HMCN1: variants seen among roughly 807,000 people sequenced by gnomAD.
The protein encoded by HMCN1 is hemicentin-1.
Under a neutral mutation model 625.9 loss-of-function variants are expected in HMCN1, and 321 were observed. That is an observed-to-expected ratio of 0.51 (90% confidence interval 0.47 to 0.56). HMCN1 has a LOEUF of 0.56. HMCN1 is among the 20% of genes least tolerant of loss of function. The probability of loss-of-function intolerance (pLI) is 0.00; values close to 1 mark genes in which losing one functional copy is unlikely to be tolerated. For missense variants in HMCN1, 6,588 were observed against 6,887.3 expected (o/e 0.96, Z 1.54); for synonymous variants, 2,425 against 2,417.6 (o/e 1.00, Z -0.09).
At chr1:185,818,552 T>C (rs1055460749) in intron 1 of HMCN1, among the ~76,000 whole-genome samples, 1 of 152,216 alleles carries the variant, frequency 6.6e-6, no homozygotes, top group Admixed American at 6.5e-5. Context: ...TGAGTAGAAC[T>C]GAATATAGTT....
At chr1:186,098,360 C>T (rs142224357) in intron 68 of HMCN1, among the ~76,000 whole-genome samples, 3 of 152,050 alleles carry the variant, frequency 2.0e-5, no homozygotes, top group African/African-American at 7.2e-5. Flanking sequence ...ACAAAGAGCA[C>T]AATTTTAAAA....
At chr1:185,952,239 G>A (rs941344844) in intron 11 of HMCN1, among the ~76,000 whole-genome samples, 4 of 151,738 alleles carry the variant, frequency 2.6e-5, no homozygotes, top group African/African-American at 4.9e-5. Context: ...GGCTAGTCAC[G>A]GAATGAAACT....
At chr1:185,998,914 C>T (rs555251100) in intron 25 of HMCN1, among the ~76,000 whole-genome samples, 16 of 152,070 alleles carry the variant, frequency 1.1e-4, no homozygotes, top group Non-Finnish European at 8.8e-5. Flanking sequence ...GAGATGATTA[C>T]AGCCTCCTTT....
intron 4 of HMCN1, among the ~76,000 whole-genome samples, chr1:185,884,520 T>A (rs1436231634): frequency 2.0e-5 from 3 of 152,060 alleles, no homozygotes; most frequent in Non-Finnish European, 4.4e-5. Flanking sequence ...AATCCTGAAC[T>A]CATCTCACTT....
intron 104 of HMCN1, among the ~76,000 whole-genome samples, chr1:186,181,149 T>A (rs1441980818): frequency 6.6e-6 from 1 of 152,142 alleles, no homozygotes; most frequent in Non-Finnish European, 1.5e-5. Flanking sequence ...ACATTTCTGT[T>A]ATTTTAGGTT....
At chr1:185,977,070 G>A (rs1651268619) in intron 15 of HMCN1, among the ~76,000 whole-genome samples, 1 of 151,840 alleles carries the variant, frequency 6.6e-6, no homozygotes, top group African/African-American at 2.4e-5. Flanking sequence ...CCTGATCTCT[G>A]TGGTTACCTG....
At chr1:185,851,451 A>G (rs1460083890) in intron 2 of HMCN1, among the ~76,000 whole-genome samples, 2 of 152,134 alleles carry the variant, frequency 1.3e-5, no homozygotes, top group East Asian at 1.9e-4. Context: ...AAAAATTAGC[A>G]AAAAATTATT....
At position 185,977,939 on chromosome 1, in the gene HMCN1, A is replaced by G. The variant is rs775333651; in HGVS notation, c.2524A>G (p.Ser842Gly). The G allele has an allele frequency of 1.1e-5, 18 of 1,613,260 alleles. No individual in the cohort carries two copies. The South Asian group carries it at 1.8e-4, about 16-fold the overall frequency. Residue 842 changes from serine (S) to glycine (G), a missense_variant, in exon 16 of 107, where the codon AGT becomes GGT. Ser to Gly is a moderately conservative substitution (Grantham distance 56, BLOSUM62 0). This residue lies in a region of HMCN1 where 4,628 missense variants were observed against 4,853.1 expected (regional missense o/e 0.95). Transcript: ENST00000271588. ...AATTTTCTCAAGACCTTTTTCAGTT[A>G]GTTCCATCAGCCAACTAAGAACAGG... ...MPIFSRPFSV[S>G]SISQLRTGAL...
chr1:185,910,769 C>G (rs1007223954), intron 5 of HMCN1, among the ~76,000 whole-genome samples: 4 of 152,018 alleles, frequency 2.6e-5, no homozygotes, highest in Admixed American at 6.6e-5. Flanking sequence ...CAGGGTTTCA[C>G]CATGTTGGTC....
At chr1:186,043,613 C>A (rs938137057) in intron 40 of HMCN1, among the ~76,000 whole-genome samples, 1 of 152,162 alleles carries the variant, frequency 6.6e-6, no homozygotes, top group Non-Finnish European at 1.5e-5. Flanking sequence ...GTAGATTCTA[C>A]AAATAATCTA....
At chr1:185,777,103 C>G (rs1377825402) in intron 1 of HMCN1, among the ~76,000 whole-genome samples, 5 of 152,184 alleles carry the variant, frequency 3.3e-5, no homozygotes, top group African/African-American at 9.6e-5. Flanking sequence ...GCATAATTTT[C>G]AATACCCAGG....
At chr1:185,795,154 T>C (rs1310347678) in intron 1 of HMCN1, among the ~76,000 whole-genome samples, 1 of 152,224 alleles carries the variant, frequency 6.6e-6, no homozygotes. Flanking sequence ...AATAGAGTTT[T>C]AAAGGTGGAG....
intron 11 of HMCN1, 72 bp downstream of exon 11, chr1:185,933,896 A>C: frequency 1.5e-6 from 2 of 1,364,814 alleles, no homozygotes; most frequent in South Asian, 1.2e-5. Context: ...TGTCCTCCCA[A>C]GTTGGCTATC....
chr1:186,037,915 CTGTT>C lies in HMCN1; in HGVS notation c.5750-16_5750-13del. The C allele has an allele frequency of 7.4e-7, 1 of 1,342,810 alleles. No individual in the cohort carries two copies. Among genetic ancestry groups the C allele is most frequent in the South Asian group, 1.2e-5 (1 of 85,686 alleles). 83.2% of individuals were successfully genotyped at this position (1,342,810 alleles called of 1,614,324 possible). A position where few individuals can be genotyped will look rare whatever the true frequency, so the allele number is the denominator to read the frequency against. ...TATTCTACTTATAAGAAATAATTAT[CTGTT>C]TGGGCCTCTTGTAGAACCACCTAGT... On this transcript the variant is annotated splice_polypyrimidine_tract_variant and intron_variant, in intron 36 of 106. Transcript: ENST00000271588.
chr1:186,145,331 G>A, intron 91 of HMCN1, 72 bp from the exon 92 acceptor site: 3 of 1,415,300 alleles, frequency 2.1e-6, no homozygotes, highest in Middle Eastern at 3.7e-4. Context: ...AATACTTTTT[G>A]GATGAATGTC....
intron 57 of HMCN1, among the ~76,000 whole-genome samples, chr1:186,085,602 C>G (rs1571328818): frequency 6.6e-6 from 1 of 152,228 alleles, no homozygotes; most frequent in East Asian, 1.9e-4. Context: ...ACAGCCCCCT[C>G]TCACTTTCTC....
chr1:186,108,239 A>T (rs765988141), intron 70 of HMCN1, among the ~76,000 whole-genome samples: 6 of 151,958 alleles, frequency 3.9e-5, no homozygotes, highest in African/African-American at 9.7e-5. Flanking sequence ...TACTTCCATC[A>T]TGCATGTAGT....
At chr1:185,953,806 T>G (rs551217341) in intron 11 of HMCN1, among the ~76,000 whole-genome samples, 1 of 151,766 alleles carries the variant, frequency 6.6e-6, no homozygotes, top group Non-Finnish European at 1.5e-5. Flanking sequence ...AGGCTTTGTG[T>G]GAGCAACATG....
At chr1:185,868,024 A>C (rs1331787400) in intron 4 of HMCN1, among the ~76,000 whole-genome samples, 1 of 151,840 alleles carries the variant, frequency 6.6e-6, no homozygotes, top group African/African-American at 2.4e-5. Flanking sequence ...AGCTGAGACC[A>C]CACCACCGCA....
Sources: allele counts gnomAD v4.1 joint callset (sites outside exome capture counted in the v4.1 genomes callset), GRCh38; gene constraint gnomAD v4.1.1; regional missense constraint gnomAD v4.1.1; transcripts MANE v1.5; gene names NCBI Gene and HGNC (gene_info 2026-07-23, HGNC 2026-07-21).